KLHL41: variants seen among roughly 807,000 people sequenced by gnomAD.
KLHL41 encodes the protein kelch like family member 41.
KLHL41 carries 31 observed loss-of-function variants against 49.2 expected under a neutral mutation model. That is an observed-to-expected ratio of 0.63 (90% CI 0.47 to 0.85). The LOEUF (loss-of-function observed/expected upper bound fraction) is 0.85. Among genes scored for constraint, KLHL41 ranks in the 40% least tolerant of loss-of-function variants. The pLI is 0.00. For missense variants in KLHL41, 663 were observed against 726.7 expected, an observed-to-expected ratio of 0.91 and a Z score of 1.01; for synonymous variants, 218 against 258.5, an observed-to-expected ratio of 0.84 and a Z score of 1.50.
At chr2:169,524,452 T>C (rs1684266391) in intron 5 of KLHL41, among the ~76,000 whole-genome samples, 1 of 149,202 alleles carries the variant, frequency 6.7e-6, no homozygotes, top group Admixed American at 6.7e-5. Flanking sequence ...AGATGGAGTC[T>C]TGCTGTGCAA....
rs1684302504 is a variant in KLHL41, at chr2:169,526,115, A to G, written c.*419A>G. 1 of 153,014 alleles carries G rather than the reference A, an allele frequency of 6.5e-6. No individual in the cohort carries two copies. Among genetic ancestry groups the G allele is most frequent in the Admixed American group, 6.5e-5 (1 of 15,336 alleles). 9.5% of individuals were successfully genotyped at this position (153,014 alleles called of 1,614,324 possible). ...ATCAAAAACCTCTCCTCGTGCTTCA[A>G]AATGACAGGAATCCTGTGCATTATA... On this transcript the variant is annotated 3_prime_UTR_variant, in exon 6 of 6. Coordinates refer to ENST00000284669, the MANE Select transcript of KLHL41 (RefSeq NM_006063.3).
At chr2:169,519,366 A>G (rs1209266884) in intron 4 of KLHL41, among the ~76,000 whole-genome samples, 1 of 152,194 alleles carries the variant, frequency 6.6e-6, no homozygotes, top group Non-Finnish European at 1.5e-5. Flanking sequence ...GTATCTGAAA[A>G]TTACAAGGAA....
chr2:169,518,082 A>C (rs1684142060), intron 3 of KLHL41, 108 bp from the exon 4 acceptor site: 1 of 727,804 alleles, frequency 1.4e-6, no homozygotes, highest in Admixed American at 2.9e-5. Context: ...AATTCTTTGG[A>C]GTTTTCTGAT....
intron 3 of KLHL41, among the ~76,000 whole-genome samples, chr2:169,516,572 C>CT (rs1381353800): frequency 6.6e-6 from 1 of 152,118 alleles, no homozygotes; most frequent in African/African-American, 2.4e-5. Context: ...AAATTGTTTC[C>CT]TTCAAGCAGC....
In KLHL41 at chr2:169,519,999, A is replaced by AT. The variant is rs200474250; in HGVS notation, c.1563-853dup. Among the ~76,000 whole-genome samples the AT allele has an allele frequency of 5.5e-4, 83 of 151,350 alleles. 1 individual carries two copies. The highest frequency in any genetic ancestry group is 4.6e-4 in the Admixed American group (7 of 15,188). On this transcript the variant is annotated intron_variant, in intron 4 of 5. Coordinates refer to ENST00000284669, the MANE Select transcript of KLHL41 (RefSeq NM_006063.3). Reference sequence around the variant, plus strand: ...ACTTTTAGATGCCTGTGCTCCTTGAATTTTTTTTTCCCCCCTTAAAGACAG... The same window carrying AT: ...ACTTTTAGATGCCTGTGCTCCTTGAATTTTTTTTTTCCCCCCTTAAAGACAG...
intron 3 of KLHL41, among the ~76,000 whole-genome samples, chr2:169,516,890 G>A (rs1056960628): frequency 2.0e-5 from 3 of 152,072 alleles, no homozygotes; most frequent in Non-Finnish European, 2.9e-5. Flanking sequence ...GCGTGGTGCC[G>A]TTTGCCTGTA....
At chr2:169,523,685 T>C (rs1451900017) in intron 5 of KLHL41, among the ~76,000 whole-genome samples, 4 of 152,188 alleles carry the variant, frequency 2.6e-5, no homozygotes, top group Admixed American at 6.5e-5. Context: ...GCTGGTTCTA[T>C]TGGCAATTAA....
Position 169,526,142 on chromosome 2 carries a change from T to TAA in KLHL41, c.*447_*448dup, listed in dbSNP as rs1329374168. ...ATGACAGGAATCCTGTGCATTATAC[T>TAA]AAGAATTACATGCCATAAGATGACT... On this transcript the variant is annotated 3_prime_UTR_variant, in exon 6 of 6. Transcript: ENST00000284669. 2 of 152,392 alleles carry TAA rather than the reference T, an allele frequency of 1.3e-5. No individual in the cohort carries two copies. The highest frequency in any genetic ancestry group is 1.3e-4 in the Admixed American group (2 of 15,290). 9.4% of individuals were successfully genotyped at this position (152,392 alleles called of 1,614,324 possible).
rs139712464 is a variant in KLHL41, at chr2:169,514,576, C to T, written c.1113C>T (p.Leu371=). The change falls in exon 2 of 6, where the codon CTC becomes CTT. Residue 371 remains leucine (L), a splice_region_variant and synonymous_variant. Coordinates refer to ENST00000284669, the MANE Select transcript of KLHL41 (RefSeq NM_006063.3). ...DQPLQSYFFQ[L]DSIASEWVGL... ...TCTCTCATATATGTTTTTTTCAGCT[C>T]GATAGCATAGCATCTGAATGGGTTG... 8.7e-6 allele frequency: 14 copies of T among 1,606,992 alleles called. No individual in the cohort carries two copies. The highest frequency in any genetic ancestry group is 1.3e-5 in the African/African-American group (1 of 74,304).
rs896057780 is a variant in KLHL41, at chr2:169,510,757, A to G, written c.979A>G (p.Thr327Ala). ...YDPTENECYL[T>A]ALAEQIPRNH... is the part of the protein sequence containing the mutation. ...CCCCACGGAAAATGAATGCTACCTT[A>G]CTGCACTGGCTGAGCAGATTCCCAG... is the stretch of plus-strand genomic sequence containing the variant. Residue 327 changes from threonine (T) to alanine (A), a missense_variant, in exon 1 of 6, where the codon ACT (threonine) becomes GCT (alanine). Thr to Ala is a moderately conservative substitution (Grantham distance 58). Transcript: ENST00000284669. The surrounding 1 kb of genome is among the most constrained non-coding windows in gnomAD (Gnocchi z 4.2). 2 of 1,614,196 alleles carry G rather than the reference A, an allele frequency of 1.2e-6. No individual in the cohort carries two copies. The highest frequency in any genetic ancestry group is 1.7e-6 in the Non-Finnish European group (2 of 1,180,050).
intron 5 of KLHL41, among the ~76,000 whole-genome samples, chr2:169,524,300 ATT>A (rs1684263721): frequency 6.6e-6 from 1 of 152,054 alleles, no homozygotes; most frequent in African/African-American, 2.4e-5. Flanking sequence ...TGGTACAATT[ATT>A]GAGAACTAAT....
rs1229366133 is a variant in KLHL41 at position 169,520,302 on chromosome 2, GTGTGTGTGTA to G, written c.1563-549_1563-540del. Among the ~76,000 whole-genome samples the G allele has an allele frequency of 2.9e-4, 33 of 113,396 alleles. 3 individuals carry two copies. The highest frequency in any genetic ancestry group is 2.4e-3 in the Admixed American group (24 of 9,806). 74.4% of individuals were successfully genotyped at this position (113,396 alleles called of 152,430 possible). The stretch of plus-strand genomic sequence containing the variant: ...TGTGTGTGTGTGTGTGTGTGTGTGT[GTGTGTGTGTA>G]TGTGTGTGTGTGTGTGTGGAGGCAG... On this transcript the variant is annotated intron_variant, in intron 4 of 5. Coordinates refer to ENST00000284669, the MANE Select transcript of KLHL41 (RefSeq NM_006063.3).
At chr2:169,520,704 C>G (rs1684189866) in intron 4 of KLHL41, among the ~76,000 whole-genome samples, 157 bp from the exon 5 acceptor site, 1 of 152,140 alleles carries the variant, frequency 6.6e-6, no homozygotes, top group Non-Finnish European at 1.5e-5. Context: ...CTACCCGTCT[C>G]AGCCTCCCAA....
Position 169,514,629 on chromosome 2 carries a change from G to T in KLHL41, c.1166G>T (p.Cys389Phe). Residue 389 changes from cysteine to phenylalanine, a missense_variant, in exon 2 of 6, where the codon TGT (cysteine) becomes TTT (phenylalanine). Physicochemically the swap from Cys to Phe is radical, Grantham distance 205 (BLOSUM62 -2). Transcript: ENST00000284669. The part of the protein sequence containing the change: ...VGLPPLPSAR[C>F]LFGLGEVDDK... Reference sequence around the variant, plus strand: ...CTTCCACCTCTGCCTTCAGCCAGGTGTCTCTTCGGTCTGGGAGAGGTGGAT... The same window carrying T: ...CTTCCACCTCTGCCTTCAGCCAGGTTTCTCTTCGGTCTGGGAGAGGTGGAT... 1.2e-6 allele frequency: 2 copies of T among 1,613,818 alleles called. No homozygotes were observed. The highest frequency in any genetic ancestry group is 1.7e-6 in the Non-Finnish European group (2 of 1,179,848).
chr2:169,514,551 T>C (rs201090351), intron 1 of KLHL41, 23 bp from the exon 2 acceptor site: 127 of 1,433,594 alleles, frequency 8.9e-5, no homozygotes, highest in Admixed American at 2.2e-4. Flanking sequence ...GGCTCCACAA[T>C]CTCTCATATA....
chr2:169,515,423 G>A (rs1684102236), intron 3 of KLHL41, among the ~76,000 whole-genome samples: 1 of 152,050 alleles, frequency 6.6e-6, no homozygotes, highest in African/African-American at 2.4e-5. Context: ...ATTTCAAGTC[G>A]CTGAAGTAAA....
At chr2:169,522,942 T>C (rs1684223945) in intron 5 of KLHL41, among the ~76,000 whole-genome samples, 1 of 151,716 alleles carries the variant, frequency 6.6e-6, no homozygotes, top group Non-Finnish European at 1.5e-5. Context: ...AGGCTGGTCT[T>C]GAACTCCTGA....
Position 169,518,097 on chromosome 2 carries a change from C to T in KLHL41, c.1377-93C>T, listed in dbSNP as rs13012306. ...AATTCTTTGGAGTTTTCTGATCCTA[C>T]TATATATTTTTCATGACAAGCAAAG... On this transcript the variant is annotated intron_variant, in intron 3 of 5. Coordinates refer to ENST00000284669, the MANE Select transcript of KLHL41 (RefSeq NM_006063.3). 0.15 allele frequency: 121,773 copies of T among 827,454 alleles called. 10,494 individuals are homozygous for T. The highest frequency in any genetic ancestry group is 0.18 in the Non-Finnish European group (93,059 of 527,156). The allele number at this position is 827,454 out of a possible 1,614,324, so 51.3% of individuals were successfully genotyped here. A position where few individuals can be genotyped will look rare whatever the true frequency, so the allele number is the denominator to read the frequency against.
intron 4 of KLHL41, 145 bp from the exon 5 acceptor site, chr2:169,520,716 G>T: frequency 1.6e-6 from 1 of 620,868 alleles, no homozygotes; most frequent in Admixed American, 3.0e-5. Flanking sequence ...GCCTCCCAAA[G>T]TGCTGGGATT....
Sources: gnomAD v4.1 joint callset for allele counts (sites outside exome capture counted in the v4.1 genomes callset) on GRCh38, gnomAD v4.1.1 for gene constraint, Gnocchi (gnomAD v3.1) non-coding constraint, MANE v1.5 for transcripts, NCBI Gene and HGNC (gene_info 2026-07-23, HGNC 2026-07-21) for gene names.